AMN1: variants seen among roughly 807,000 people sequenced by gnomAD.
AMN1 encodes the protein antagonist of mitotic exit network 1 homolog.
Under a neutral mutation model 33.0 loss-of-function variants are expected in AMN1, and 20 were observed. The observed-to-expected ratio is 0.61, with a 90% CI of 0.43 to 0.88. The LOEUF (loss-of-function observed/expected upper bound fraction) is 0.88. Among genes scored for constraint, AMN1 ranks in the 40% least tolerant of loss-of-function variants. The pLI, the probability that AMN1 is intolerant of heterozygous loss-of-function variation, is 0.00. For synonymous variants in AMN1, 114 were observed against 111.9 expected (o/e 1.02, Z -0.12); for missense variants, 246 against 307.4 (o/e 0.80, Z 1.49).
At chr12:31,676,756 A>G (rs1194148173) in intron 6 of AMN1, among the ~76,000 whole-genome samples, 1 of 151,804 alleles carries the variant, frequency 6.6e-6, no homozygotes, top group Non-Finnish European at 1.5e-5. Context: ...TGAATTCACT[A>G]TTGCACATTA....
At chr12:31,720,127 T>C (rs984299869) in intron 1 of AMN1, among the ~76,000 whole-genome samples, 12 of 152,242 alleles carry the variant, frequency 7.9e-5, no homozygotes, top group African/African-American at 1.4e-4. Context: ...AATATGAAAT[T>C]AATCATTTTA....
intron 1 of AMN1, among the ~76,000 whole-genome samples, chr12:31,711,164 G>A (rs1939450919): frequency 2.0e-5 from 3 of 151,770 alleles, no homozygotes; most frequent in Admixed American, 6.6e-5. Flanking sequence ...ATGAGCCACC[G>A]CACCCAGCCC....
At chr12:31,685,033 T>TA (rs1027147744) in intron 6 of AMN1, among the ~76,000 whole-genome samples, 1 of 151,506 alleles carries the variant, frequency 6.6e-6, no homozygotes, top group African/African-American at 2.4e-5. Context: ...TAATTATTAT[T>TA]TTTTTTTTTT....
At chr12:31,685,807 A>AAAAAAAAAAG (rs561225051) in intron 6 of AMN1, among the ~76,000 whole-genome samples, 3 of 146,244 alleles carry the variant, frequency 2.1e-5, no homozygotes, top group Admixed American at 6.7e-5. Flanking sequence ...TATCAAAAAA[A>AAAAAAAAAAG]AAAGAAAGAA....
intron 5 of AMN1, among the ~76,000 whole-genome samples, chr12:31,694,646 T>C (rs889283254): frequency 6.6e-6 from 1 of 151,932 alleles, no homozygotes; most frequent in African/African-American, 2.4e-5. Context: ...TTTAGGAAGC[T>C]GAGGTGGGAG....
chr12:31,709,222 T>C (rs1939372977), intron 2 of AMN1, 71 bp downstream of exon 2: 2 of 1,545,522 alleles, frequency 1.3e-6, no homozygotes, highest in South Asian at 1.2e-5. Flanking sequence ...TATACCATTG[T>C]TCCAAAAATC....
chr12:31,724,804 TC>T (rs1747612234), intron 1 of AMN1, among the ~76,000 whole-genome samples: 1 of 152,236 alleles, frequency 6.6e-6, no homozygotes, highest in African/African-American at 2.4e-5. Flanking sequence ...GTTTCCTCTT[TC>T]TGCTCCAGTT....
intron 1 of AMN1, among the ~76,000 whole-genome samples, chr12:31,710,452 C>G (rs1027774347): frequency 6.6e-5 from 10 of 151,890 alleles, no homozygotes; most frequent in Admixed American, 1.3e-4. Flanking sequence ...TCTTTTTCCT[C>G]TTTTGGTTTC....
intron 1 of AMN1, among the ~76,000 whole-genome samples, chr12:31,725,927 G>A (rs1007278561): frequency 2.0e-5 from 3 of 152,078 alleles, no homozygotes; most frequent in African/African-American, 4.8e-5. Context: ...TCGAACTCCT[G>A]ACCTCAAGTG....
intron 5 of AMN1, among the ~76,000 whole-genome samples, chr12:31,689,545 T>C (rs1938411091): frequency 6.6e-6 from 1 of 152,148 alleles, no homozygotes; most frequent in Admixed American, 6.5e-5. Context: ...TAGACATAAA[T>C]CTCAAACATG....
rs1938774040 is a variant in AMN1, at chr12:31,697,346, T to C, written c.591+15A>G. 3.1e-6 allele frequency: 5 copies of C among 1,605,504 alleles called. No homozygotes were observed. The South Asian group carries it at 4.5e-5, about 14-fold the overall frequency. On this transcript the variant is annotated intron_variant, in intron 5 of 6. Coordinates refer to ENST00000281471, the MANE Select transcript of AMN1 (RefSeq NM_001113402.2). ...AATTTAATCACCACCATCTTTATAA[T>C]TGTTTTAAAATTACCTCTAATTTCT...
intron 6 of AMN1, among the ~76,000 whole-genome samples, chr12:31,675,530 C>T (rs1951368768): frequency 6.6e-6 from 1 of 151,184 alleles, no homozygotes; most frequent in Non-Finnish European, 1.5e-5. Context: ...AGAGTCTCAC[C>T]CTTTGCCCAG....
At chr12:31,703,331 G>A (rs887647629) in intron 2 of AMN1, among the ~76,000 whole-genome samples, 26 of 152,306 alleles carry the variant, frequency 1.7e-4, no homozygotes, top group Non-Finnish European at 3.2e-4. Flanking sequence ...GGGGGTACAT[G>A]TGCAGGTTAG....
rs775224507 is a variant in AMN1, at chr12:31,709,392, T to C, written c.72A>G (p.Arg24=). The C allele has an allele frequency of 1.9e-6, 3 of 1,613,748 alleles. No individual in the cohort carries two copies. Among genetic ancestry groups the C allele is most frequent in the Non-Finnish European group, 2.5e-6 (3 of 1,179,814 alleles). Residue 24 remains arginine (R), a synonymous_variant, in exon 2 of 7, where the codon AGA becomes AGG. Transcript: ENST00000281471. The part of the protein sequence containing the change: ...CLWCFMKNIS[R]YLTDIKPLPP... ...GCAAAGGCTTAATGTCTGTGAGATA[T>C]CTGGAAATATTCTTCATGAAGCACC...
intron 6 of AMN1, among the ~76,000 whole-genome samples, chr12:31,676,513 G>A (rs1336018270): frequency 4.0e-5 from 6 of 151,174 alleles, no homozygotes; most frequent in East Asian, 2.0e-4. Flanking sequence ...TAGTAGAGAT[G>A]GGGTTTCACC....
intron 6 of AMN1, chr12:31,673,652 C>T (rs1010510724): frequency 6.9e-6 from 3 of 433,104 alleles, no homozygotes; most frequent in Non-Finnish European, 1.4e-5. Context: ...ATACCAAAGC[C>T]AGACAAAGAC....
intron 6 of AMN1, among the ~76,000 whole-genome samples, chr12:31,675,689 T>A (rs1479544783): frequency 1.3e-5 from 2 of 151,458 alleles, no homozygotes; most frequent in Non-Finnish European, 2.9e-5. Flanking sequence ...GGAGACGGGG[T>A]TTAACCATGC....
chr12:31,687,686 C>CA lies in AMN1; in HGVS notation c.703+1320dup, dbSNP rs529854333. ...CGGGTGACAGAGCGAGATTCTGTCT[C>CA]AAAAAAAAAAAAAAGAATAATTGGA... is the stretch of plus-strand genomic sequence containing the variant. On this transcript the variant is annotated intron_variant, in intron 6 of 6. Coordinates refer to ENST00000281471, the MANE Select transcript of AMN1 (RefSeq NM_001113402.2). This position sits in a 1 kb window ranked among gnomAD's most constrained non-coding sequence, Gnocchi z 4.1. 0.068 allele frequency among the ~76,000 whole-genome samples: 7,355 copies of CA among 108,086 alleles called. 211 individuals carry two copies. Among genetic ancestry groups the CA allele is most frequent in the African/African-American group, 0.1 (3,013 of 29,466 alleles). The allele number at this position is 108,086 out of a possible 152,430, so 70.9% of individuals were successfully genotyped here. A position where few individuals can be genotyped will look rare whatever the true frequency, so the allele number is the denominator to read the frequency against.
At chr12:31,710,072 T>G (rs1048187125) in intron 1 of AMN1, among the ~76,000 whole-genome samples, 4 of 152,216 alleles carry the variant, frequency 2.6e-5, no homozygotes, top group Admixed American at 2.0e-4. Context: ...TTGAAAAGTT[T>G]TATCTGTTAA....
Sources: allele counts gnomAD v4.1 joint callset (sites outside exome capture counted in the v4.1 genomes callset), GRCh38; gene constraint gnomAD v4.1.1; non-coding constraint Gnocchi (gnomAD v3.1); transcripts MANE v1.5; gene names NCBI Gene and HGNC (gene_info 2026-07-23, HGNC 2026-07-21).